ZNF81: variants seen among roughly 807,000 people sequenced by gnomAD.
ZNF81 encodes the protein zinc finger protein 81, also known as zinc finger protein 81 (HFZ20).
Under a neutral mutation model 32.3 loss-of-function variants are expected in ZNF81, and 5 were observed. The observed-to-expected ratio is 0.15, with a 90% confidence interval of 0.08 to 0.33. The LOEUF (loss-of-function observed/expected upper bound fraction) is 0.33, where lower values mean the gene tolerates loss of function less well. Ranked by LOEUF, ZNF81 falls within the 10% of genes least tolerant of loss-of-function variation. The pLI, the probability that ZNF81 is intolerant of heterozygous loss-of-function variation, is 1.00. For synonymous variants in ZNF81, 163 were observed against 166.8 expected, an observed-to-expected ratio of 0.98 and a Z score of 0.17; for missense variants, 379 against 479.8, an observed-to-expected ratio of 0.79 and a Z score of 1.96.
At chrX:47,890,485 T>C (rs782236369) in intron 3 of ZNF81, among the ~76,000 whole-genome samples, 1 of 112,107 alleles carries the variant, frequency 8.9e-6, no homozygotes, top group South Asian at 3.7e-4. Flanking sequence ...ATGGCAGGAC[T>C]TTGCTCCCAA....
At chrX:47,880,517 T>C (rs2058616516) in intron 2 of ZNF81, among the ~76,000 whole-genome samples, 1 of 112,597 alleles carries the variant, frequency 8.9e-6, no homozygotes, top group African/African-American at 3.2e-5. Context: ...CCTGGCCTCG[T>C]GATCATTGCT....
chrX:47,892,094 T>G lies in ZNF81; in HGVS notation c.182-3751T>G, dbSNP rs144391172. Reference sequence around the variant, plus strand: ...TCTACTTATACAGATCAACTTATTATTGTGTAGACTGCCTATCTGTTTCTT... The same window carrying G: ...TCTACTTATACAGATCAACTTATTAGTGTGTAGACTGCCTATCTGTTTCTT... On this transcript the variant is annotated intron_variant, in intron 3 of 4. Coordinates refer to ENST00000338637, the MANE Select transcript of ZNF81 (RefSeq NM_007137.5). Among the ~76,000 whole-genome samples, 105 of 111,901 alleles carry G rather than the reference T, an allele frequency of 9.4e-4. 5 individuals are homozygous for G. In the East Asian group the frequency reaches 0.019, roughly 20 times the overall value.
intron 4 of ZNF81, among the ~76,000 whole-genome samples, chrX:47,901,228 T>C (rs782629727): frequency 8.9e-6 from 1 of 112,576 alleles, no homozygotes; most frequent in Non-Finnish European, 1.9e-5. Context: ...CCATTGATTC[T>C]TGTACATTGA....
rs932150349 is a variant in ZNF81, at chrX:47,893,143, T to A, written c.182-2702T>A. ...TGAGAGCCCCTGATGGGAGGAGGGGTCCCAAAGTTCAAGTGACTGTAGGGA... is the reference window on the plus strand; with the variant it reads ...TGAGAGCCCCTGATGGGAGGAGGGGACCCAAAGTTCAAGTGACTGTAGGGA... On this transcript the variant is annotated intron_variant, in intron 3 of 4. Coordinates refer to ENST00000338637, the MANE Select transcript of ZNF81 (RefSeq NM_007137.5). Among the ~76,000 whole-genome samples, 4 of 109,654 alleles carry A rather than the reference T, an allele frequency of 3.6e-5. No homozygotes were observed. In the Admixed American group the frequency reaches 3.9e-4, roughly 11 times the overall value.
At chrX:47,894,386 G>C (rs1250596307) in intron 3 of ZNF81, among the ~76,000 whole-genome samples, 1 of 111,521 alleles carries the variant, frequency 9.0e-6, no homozygotes, top group African/African-American at 3.3e-5. Context: ...GCTAAAATTA[G>C]GCAATGCCAG....
At chrX:47,900,026 T>G (rs1471583208) in intron 4 of ZNF81, among the ~76,000 whole-genome samples, 1 of 111,574 alleles carries the variant, frequency 9.0e-6, no homozygotes, top group Non-Finnish European at 1.9e-5. Flanking sequence ...TGAAATCTTC[T>G]AATGCCTTAC....
intron 2 of ZNF81, among the ~76,000 whole-genome samples, chrX:47,880,188 C>G (rs2058615175): frequency 8.9e-6 from 1 of 111,915 alleles, no homozygotes; most frequent in African/African-American, 3.2e-5. Flanking sequence ...TGCAGTCTTT[C>G]ACTCAGTAGT....
intron 2 of ZNF81, 32 bp from the exon 3 acceptor site, chrX:47,887,967 A>G (rs2058648499): frequency 8.3e-7 from 1 of 1,211,209 alleles, no homozygotes. Context: ...AGTGCTGATC[A>G]TGTTGCCTTG....
chrX:47,841,572 C>T, intron 1 of ZNF81: 1 of 994,200 alleles, frequency 1.0e-6, no homozygotes, highest in Non-Finnish European at 1.4e-6. Flanking sequence ...AGCCTTTTTC[C>T]TTTCCTCTGC....
chrX:47,910,315 A>G (rs1251529207), intron 4 of ZNF81, among the ~76,000 whole-genome samples: 5 of 112,037 alleles, frequency 4.5e-5, no homozygotes, highest in African/African-American at 1.6e-4. Context: ...AAAATGGGAG[A>G]AAATTTTCGC....
chrX:47,911,566 G>C (rs1290048681), intron 4 of ZNF81, among the ~76,000 whole-genome samples: 1 of 111,769 alleles, frequency 8.9e-6, no homozygotes, highest in Non-Finnish European at 1.9e-5. Context: ...AATTGAATTT[G>C]TGGGGGATAA....
At chrX:47,911,139 A>G (rs1326801333) in intron 4 of ZNF81, among the ~76,000 whole-genome samples, 5 of 111,494 alleles carry the variant, frequency 4.5e-5, no homozygotes, top group Non-Finnish European at 9.4e-5. Context: ...ATTATATAAC[A>G]CATGACCAAT....
intron 1 of ZNF81, among the ~76,000 whole-genome samples, chrX:47,840,127 CTTTTTTT>C (rs34211141): frequency 4.8e-5 from 4 of 82,850 alleles, no homozygotes; most frequent in Admixed American, 1.4e-4. Context: ...TCTTCTCTCT[CTTTTTTT>C]TTTTTTTTTT....
intron 2 of ZNF81, among the ~76,000 whole-genome samples, chrX:47,866,212 T>C (rs2058559384): frequency 8.9e-6 from 1 of 112,078 alleles, no homozygotes; most frequent in Admixed American, 9.5e-5. Flanking sequence ...ACCAGATTCC[T>C]GAGTCAGTGA....
In ZNF81 at chrX:47,888,058, G is replaced by A. The variant is rs782579066; in HGVS notation, c.114G>A (p.Leu38=). ...TCAGTAGAGAGGAGTGGCAGCAACT[G>A]GACTCTACTCAAAGACGCCTGTACC... ...VDFSREEWQQ[L]DSTQRRLYQD... Residue 38 remains leucine (L), a synonymous_variant, in exon 3 of 5, where the codon CTG becomes CTA. Transcript: ENST00000338637. 3.3e-6 allele frequency: 4 copies of A among 1,210,499 alleles called. No individual in the cohort carries two copies. The highest frequency in any genetic ancestry group is 4.5e-6 in the Non-Finnish European group (4 of 894,956).
intron 2 of ZNF81, among the ~76,000 whole-genome samples, chrX:47,881,621 T>C (rs1201096060): frequency 8.9e-6 from 1 of 111,886 alleles, no homozygotes; most frequent in East Asian, 2.8e-4. Context: ...CTGGAAAGTA[T>C]TTCCCCCACT....
At chrX:47,912,819 A>G (rs1229259558) in intron 4 of ZNF81, among the ~76,000 whole-genome samples, 2 of 110,521 alleles carry the variant, frequency 1.8e-5, no homozygotes, top group Non-Finnish European at 3.8e-5. Flanking sequence ...TTTCTCTCAA[A>G]TTCTCTTGAT....
In ZNF81 at chrX:47,856,048, C is replaced by CA. The variant is rs61300154; in HGVS notation, c.54+9754dup. ...TGGGTGACATAGTGAGACTCTGCCT[C>CA]AAAAAAAAAAAAAAAAAAAAAAAAA... On this transcript the variant is annotated intron_variant, in intron 2 of 4. Coordinates refer to ENST00000338637, the MANE Select transcript of ZNF81 (RefSeq NM_007137.5). 3.2e-3 allele frequency among the ~76,000 whole-genome samples: 156 copies of CA among 48,605 alleles called. 2 individuals carry two copies. Among genetic ancestry groups the CA allele is most frequent in the African/African-American group, 6.7e-3 (70 of 10,399 alleles). The allele number at this position is 48,605 out of a possible 115,157, so 42.2% of individuals were successfully genotyped here.
At chrX:47,863,730 G>A (rs2058549897) in intron 2 of ZNF81, among the ~76,000 whole-genome samples, 1 of 112,110 alleles carries the variant, frequency 8.9e-6, no homozygotes, top group Non-Finnish European at 1.9e-5. Flanking sequence ...TGGGAGGAAG[G>A]CAAGAGCTAC....
Sources: gnomAD v4.1 joint callset for allele counts (sites outside exome capture counted in the v4.1 genomes callset) on GRCh38, gnomAD v4.1.1 for gene constraint, MANE v1.5 for transcripts, NCBI Gene and HGNC (gene_info 2026-07-23, HGNC 2026-07-21) for gene names.